The following AGBL1 variants were observed in gnomAD, a reference collection of about 807,000 sequenced individuals.
AGBL1 encodes the protein AGBL carboxypeptidase 1, also known as cytosolic carboxypeptidase 4.
Under a neutral mutation model 118.9 loss-of-function variants are expected in AGBL1, and 130 were observed. The ratio of observed to expected loss-of-function variants is 1.09; its 90% CI spans 0.95 to 1.26. The LOEUF is 1.26. Among genes scored for constraint, AGBL1 ranks in the 50% most tolerant of loss-of-function variants. The pLI is 0.00. For missense variants in AGBL1, 1,584 were observed against 1,298.1 expected, an observed-to-expected ratio of 1.22 and a Z score of -3.38; for synonymous variants, 555 against 478.9, an observed-to-expected ratio of 1.16 and a Z score of -2.08.
intron 6 of AGBL1, among the ~76,000 whole-genome samples, chr15:86,233,210 T>G (rs989437861): frequency 1.3e-5 from 2 of 152,226 alleles, no homozygotes; most frequent in African/African-American, 4.8e-5. Context: ...GAAACTGGAC[T>G]CTGGGTTCAA....
At chr15:86,699,219 A>G (rs2086314506) in intron 22 of AGBL1, among the ~76,000 whole-genome samples, 1 of 152,084 alleles carries the variant, frequency 6.6e-6, no homozygotes, top group Non-Finnish European at 1.5e-5. Context: ...TTTATTATAC[A>G]CAGACTATAT....
intron 17 of AGBL1, among the ~76,000 whole-genome samples, chr15:86,328,977 AG>A (rs1408989295): frequency 6.6e-6 from 1 of 152,154 alleles, no homozygotes; most frequent in East Asian, 1.9e-4. Context: ...CCTGCTCTGG[AG>A]GGGTTAGGGA....
intron 17 of AGBL1, among the ~76,000 whole-genome samples, chr15:86,384,312 C>A (rs914067565): frequency 1.3e-5 from 2 of 152,034 alleles, no homozygotes; most frequent in African/African-American, 4.8e-5. Context: ...GAGCTAGTAG[C>A]GTGGGATACA....
At chr15:86,260,238 AT>A (rs751120847) in intron 9 of AGBL1, among the ~76,000 whole-genome samples, 3 of 152,240 alleles carry the variant, frequency 2.0e-5, no homozygotes, top group Non-Finnish European at 4.4e-5. Flanking sequence ...GAAGTCAGGC[AT>A]ATTTTATTTC....
downstream of AGBL1, among the ~76,000 whole-genome samples, chr15:86,916,745 T>C (rs768278843): frequency 6.6e-6 from 1 of 152,068 alleles, no homozygotes; most frequent in Non-Finnish European, 1.5e-5. Context: ...TTCATGAACA[T>C]GAATGCTGTG....
intron 22 of AGBL1, among the ~76,000 whole-genome samples, chr15:86,728,849 C>T (rs2077490282): frequency 6.6e-6 from 1 of 152,120 alleles, no homozygotes; most frequent in Admixed American, 6.5e-5. Flanking sequence ...CACCCATTTT[C>T]CAGATGAATC....
chr15:86,868,088 G>A (rs60285989), intron 22 of AGBL1, among the ~76,000 whole-genome samples: 1,820 of 152,202 alleles, frequency 0.012, 42 homozygotes, highest in African/African-American at 0.041. Context: ...TGGCTAATCC[G>A]GTCTGTGAGA....
intron 24 of AGBL1, among the ~76,000 whole-genome samples, chr15:87,006,745 G>A (rs542265573): frequency 6.6e-6 from 1 of 152,262 alleles, no homozygotes; most frequent in African/African-American, 2.4e-5. Context: ...TGGAAATGCA[G>A]AAATCACCCG....
intron 17 of AGBL1, among the ~76,000 whole-genome samples, chr15:86,337,310 C>T (rs765435142): frequency 2.6e-5 from 4 of 151,886 alleles, no homozygotes; most frequent in Middle Eastern, 3.4e-3. Context: ...CTTGTATTAC[C>T]AGTAGGCTTT....
chr15:86,837,668 G>T (rs2079187788), intron 22 of AGBL1, among the ~76,000 whole-genome samples: 1 of 152,148 alleles, frequency 6.6e-6, no homozygotes. Flanking sequence ...AAATGTCAGG[G>T]GGAGAAATGA....
At chr15:86,290,458 C>T (rs184738064) in intron 16 of AGBL1, among the ~76,000 whole-genome samples, 2 of 151,162 alleles carry the variant, frequency 1.3e-5, no homozygotes, top group African/African-American at 4.8e-5. Context: ...TCAAGTGATC[C>T]TCCCACCTCA....
intron 6 of AGBL1, among the ~76,000 whole-genome samples, chr15:86,236,952 CGG>C (rs1398987301): frequency 9.7e-5 from 1 of 10,316 alleles, no homozygotes; most frequent in Non-Finnish European, 1.8e-4. Flanking sequence ...CGGGGGGGGG[CGG>C]GGGGGCGCCA....
At chr15:86,782,172 T>G (rs2078345359) in intron 22 of AGBL1, among the ~76,000 whole-genome samples, 1 of 152,172 alleles carries the variant, frequency 6.6e-6, no homozygotes, top group Non-Finnish European at 1.5e-5. Flanking sequence ...TTTATCTCTT[T>G]TAAATAATTA....
At chr15:86,475,336 G>C (rs888294000) in intron 18 of AGBL1, among the ~76,000 whole-genome samples, 1 of 152,148 alleles carries the variant, frequency 6.6e-6, no homozygotes, top group East Asian at 1.9e-4. Context: ...AAAAAGATTA[G>C]AAGAATGGCT....
intron 22 of AGBL1, among the ~76,000 whole-genome samples, chr15:86,704,153 G>T (rs922991131): frequency 2.0e-5 from 3 of 152,130 alleles, no homozygotes; most frequent in African/African-American, 7.2e-5. Context: ...GATGCATAAA[G>T]ACTTAAATGT....
intron 7 of AGBL1, among the ~76,000 whole-genome samples, chr15:86,255,611 C>T (rs1033657429): frequency 6.6e-6 from 1 of 152,108 alleles, no homozygotes; most frequent in Non-Finnish European, 1.5e-5. Flanking sequence ...GGGGAAACCC[C>T]GTCTCTATTC....
At chr15:86,289,149 T>C (rs567435739) in intron 16 of AGBL1, among the ~76,000 whole-genome samples, 2 of 152,320 alleles carry the variant, frequency 1.3e-5, no homozygotes, top group African/African-American at 4.8e-5. Context: ...GTGCCTCTTA[T>C]ATACAACATG....
intron 23 of AGBL1, among the ~76,000 whole-genome samples, chr15:86,976,129 A>T (rs1174212132): frequency 1.3e-5 from 2 of 151,556 alleles, no homozygotes; most frequent in African/African-American, 4.8e-5. Flanking sequence ...TCTATCACAT[A>T]GGCTAAATCA....
intron 19 of AGBL1, among the ~76,000 whole-genome samples, chr15:86,543,932 G>A (rs1338466428): frequency 2.6e-5 from 4 of 152,220 alleles, no homozygotes; most frequent in Admixed American, 2.6e-4. Flanking sequence ...TAGATAAGGA[G>A]AAGGCATACA....
Sources: gnomAD v4.1 joint callset for allele counts (sites outside exome capture counted in the v4.1 genomes callset) on GRCh38, gnomAD v4.1.1 for gene constraint, MANE v1.5 for transcripts, NCBI Gene and HGNC (gene_info 2026-07-23, HGNC 2026-07-21) for gene names.